Variants in RERE observed in about 807,000 individuals in gnomAD.
RERE encodes arginine-glutamic acid dipeptide repeats, also known as arginine-glutamic acid dipeptide repeats protein.
A neutral mutation model predicts 146.1 loss-of-function variants in RERE; 40 were observed. The observed-to-expected ratio is 0.27, with a 90% CI of 0.21 to 0.36. The LOEUF (loss-of-function observed/expected upper bound fraction) is 0.36, where lower values mean the gene tolerates loss of function less well. Ranked by LOEUF, RERE falls within the 10% of genes least tolerant of loss-of-function variation. The probability of loss-of-function intolerance (pLI) is 1.00; values close to 1 mark genes in which losing one functional copy is unlikely to be tolerated. For missense variants in RERE, 1,933 were observed against 2,138.7 expected (o/e 0.90, Z 1.90); for synonymous variants, 1,003 against 866.0 (o/e 1.16, Z -2.78).
chr1:8,633,651 G>A (rs529239020), intron 2 of RERE, among the ~76,000 whole-genome samples: 5 of 152,272 alleles, frequency 3.3e-5, no homozygotes, highest in South Asian at 2.1e-4. Context: ...TATTGGCTGC[G>A]CACGGTGGCT....
chr1:8,698,166 A>G (rs1639374587), intron 1 of RERE, among the ~76,000 whole-genome samples: 1 of 152,218 alleles, frequency 6.6e-6, no homozygotes, highest in African/African-American at 2.4e-5. Flanking sequence ...GATCGGCAGA[A>G]TTTCCCCAGC....
At chr1:8,483,863 C>T (rs536891846) in intron 10 of RERE, among the ~76,000 whole-genome samples, 3 of 152,254 alleles carry the variant, frequency 2.0e-5, no homozygotes, top group East Asian at 1.9e-4. Flanking sequence ...AAAAGCCACC[C>T]GTATCTCAGG....
intron 7 of RERE, among the ~76,000 whole-genome samples, chr1:8,540,834 C>G (rs1457308745): frequency 6.6e-6 from 1 of 152,124 alleles, no homozygotes; most frequent in Admixed American, 6.5e-5. Context: ...TCCAAAATTA[C>G]TTAGTCTTTT....
intron 2 of RERE, among the ~76,000 whole-genome samples, chr1:8,627,754 A>G (rs75448300): frequency 0.015 from 2,319 of 152,302 alleles, 61 homozygotes; most frequent in African/African-American, 0.053. Context: ...TATAAAGCTA[A>G]CTTACATACA....
chr1:8,815,657 G>C (rs894036949), intron 1 of RERE, among the ~76,000 whole-genome samples: 1 of 152,126 alleles, frequency 6.6e-6, no homozygotes, highest in Non-Finnish European at 1.5e-5. Flanking sequence ...TGCAAAAACG[G>C]CCAGGCATGA....
chr1:8,432,031 G>A (rs1644102452), intron 11 of RERE, among the ~76,000 whole-genome samples: 1 of 152,166 alleles, frequency 6.6e-6, no homozygotes, highest in African/African-American at 2.4e-5. Context: ...TCATGCCAGT[G>A]ACTGCACTGG....
rs1243371415 is a variant in RERE, at chr1:8,497,510, T to G, written c.899A>C (p.Gln300Pro). 1.2e-6 allele frequency: 2 copies of G among 1,614,018 alleles called. No individual in the cohort carries two copies. Among genetic ancestry groups the G allele is most frequent in the African/African-American group, 2.7e-5 (2 of 74,924 alleles). ...PSHQAKLPDL[Q>P]PFPSPDGDTV... ...ATCACCATCTGGAGAAGGAAATGGT[T>G]GCAGATCTGGAAGTTTGGCCTGTAA... The change falls in exon 9 of 23, where the codon CAA becomes CCA. Residue 300 changes from glutamine (Q) to proline (P), a missense_variant. Gln to Pro is a moderately conservative substitution (Grantham distance 76). This residue lies in a region of RERE where 260 missense variants were observed against 378.4 expected (regional missense o/e 0.69). Coordinates refer to ENST00000400908, the MANE Select transcript of RERE (RefSeq NM_001042681.2).
rs546911041 is a variant in RERE, at chr1:8,561,897, C to T, written c.523-4374G>A. 1.8e-4 allele frequency among the ~76,000 whole-genome samples: 28 copies of T among 152,304 alleles called. 1 individual carries two copies. Among genetic ancestry groups the T allele is most frequent in the African/African-American group, 5.8e-4 (24 of 41,576 alleles). ...AAAATCACAGAAAATTAAAGCCAGACGTGAATTTAGAGATCATGCGATTCA... is the reference window on the plus strand; with the variant it reads ...AAAATCACAGAAAATTAAAGCCAGATGTGAATTTAGAGATCATGCGATTCA... On this transcript the variant is annotated intron_variant, in intron 4 of 22. Coordinates refer to ENST00000400908, the MANE Select transcript of RERE (RefSeq NM_001042681.2).
intron 1 of RERE, among the ~76,000 whole-genome samples, chr1:8,795,131 G>A (rs1038284370): frequency 2.6e-5 from 4 of 151,984 alleles, no homozygotes; most frequent in South Asian, 2.1e-4. Flanking sequence ...GGGTTTAGGT[G>A]ATTCTTGTCT....
intron 12 of RERE, among the ~76,000 whole-genome samples, chr1:8,394,287 T>C (rs1570131105): frequency 6.6e-6 from 1 of 152,220 alleles, no homozygotes; most frequent in Non-Finnish European, 1.5e-5. Context: ...AAAATCTTGA[T>C]TGGAAGTATG....
At chr1:8,761,291 T>A (rs1190801546) in intron 1 of RERE, among the ~76,000 whole-genome samples, 1 of 152,192 alleles carries the variant, frequency 6.6e-6, no homozygotes, top group East Asian at 1.9e-4. Context: ...GGCAATTTTA[T>A]TCCACCTCGG....
intron 12 of RERE, among the ~76,000 whole-genome samples, chr1:8,381,989 C>G (rs1156864231): frequency 6.6e-6 from 1 of 152,236 alleles, no homozygotes; most frequent in Non-Finnish European, 1.5e-5. Context: ...TCATTTCACG[C>G]TGTGAGAATC....
At chr1:8,704,936 G>T (rs1054933805) in intron 1 of RERE, among the ~76,000 whole-genome samples, 2 of 152,140 alleles carry the variant, frequency 1.3e-5, no homozygotes, top group Non-Finnish European at 2.9e-5. Context: ...CATCCTGAGG[G>T]GGACCTGTGA....
intron 1 of RERE, among the ~76,000 whole-genome samples, chr1:8,733,849 G>A (rs996955329): frequency 3.9e-5 from 6 of 152,184 alleles, no homozygotes; most frequent in Admixed American, 2.0e-4. Flanking sequence ...GGTGGCTCAC[G>A]CCTATAATCC....
chr1:8,710,274 G>A (rs761177389), intron 1 of RERE, among the ~76,000 whole-genome samples: 4 of 152,142 alleles, frequency 2.6e-5, no homozygotes, highest in Admixed American at 6.6e-5. Flanking sequence ...GGGGACTGTT[G>A]CAATCTACGT....
rs1489639376 is a variant in RERE, at chr1:8,356,028, T to C, written c.4486+72A>G. On this transcript the variant is annotated intron_variant, in intron 21 of 22. Transcript: ENST00000400908. This position sits in a 1 kb window ranked among gnomAD's most constrained non-coding sequence, Gnocchi z 5.2. The stretch of plus-strand genomic sequence containing the variant: ...CATGAATGAATGAATGAGTAATGAA[T>C]GAAGACAGCAGACCAGACCCCAACC... 3 of 1,410,302 alleles carry C rather than the reference T, an allele frequency of 2.1e-6. No individual in the cohort carries two copies. The highest frequency in any genetic ancestry group is 2.7e-5 in the East Asian group (1 of 36,438). 87.4% of individuals were successfully genotyped at this position (1,410,302 alleles called of 1,614,324 possible).
intron 11 of RERE, 24 bp from the exon 12 acceptor site, chr1:8,422,831 G>A (rs749592754): frequency 6.3e-7 from 1 of 1,584,216 alleles, no homozygotes; most frequent in Non-Finnish European, 8.7e-7. Context: ...AAACAAATGG[G>A]ATGTAAAAAC....
At chr1:8,369,701 C>T (rs1407164424) in intron 12 of RERE, among the ~76,000 whole-genome samples, 1 of 151,880 alleles carries the variant, frequency 6.6e-6, no homozygotes, top group African/African-American at 2.4e-5. Context: ...ATCTACCAAA[C>T]AACCCAGCAA....
intron 4 of RERE, among the ~76,000 whole-genome samples, chr1:8,574,440 G>C (rs937742478): frequency 2.0e-5 from 3 of 150,438 alleles, no homozygotes; most frequent in African/African-American, 7.4e-5. Context: ...CGCCTCTCGG[G>C]TTCATGCCAT....
Sources: allele counts gnomAD v4.1 joint callset (sites outside exome capture counted in the v4.1 genomes callset), GRCh38; gene constraint gnomAD v4.1.1; regional missense constraint gnomAD v4.1.1; non-coding constraint Gnocchi (gnomAD v3.1); transcripts MANE v1.5; gene names NCBI Gene and HGNC (gene_info 2026-07-23, HGNC 2026-07-21).